CDH23: variants seen among roughly 807,000 people sequenced by gnomAD.
CDH23 encodes the protein cadherin related 23, also known as cadherin-23.
In CDH23, 189 loss-of-function variants were observed where a neutral mutation model predicts 317.1. The ratio of observed to expected loss-of-function variants is 0.60; its 90% CI spans 0.53 to 0.67. The LOEUF is 0.67. CDH23 is among the 30% of genes least tolerant of loss of function. CDH23 has a pLI of 0.00. For synonymous variants in CDH23, 1,839 were observed against 1,876.8 expected, an observed-to-expected ratio of 0.98 and a Z score of 0.52; for missense variants, 4,401 against 4,592.4, an observed-to-expected ratio of 0.96 and a Z score of 1.20.
intron 3 of CDH23, among the ~76,000 whole-genome samples, chr10:71,509,701 C>T (rs1382048956): frequency 6.6e-6 from 1 of 152,210 alleles, no homozygotes; most frequent in Non-Finnish European, 1.5e-5. Context: ...CTAGCGCTGA[C>T]TTATATGCTC....
chr10:71,425,371 A>AGAAGGAAGGAAGGGAGGAAGGAAGGAAG, intron 1 of CDH23, among the ~76,000 whole-genome samples: 1 of 82,496 alleles, frequency 1.2e-5, no homozygotes, highest in South Asian at 4.9e-4. Context: ...AAGAGAGAGG[A>AGAAGGAAGGAAGGGAGGAAGGAAGGAAG]GAAGGAAGGA....
rs578061783 is a variant in CDH23, at chr10:71,438,976, G to A, written c.-5-851G>A. Among the ~76,000 whole-genome samples the A allele has an allele frequency of 1.4e-4, 22 of 152,306 alleles. No homozygotes were observed. The South Asian group carries it at 2.9e-3, about 20-fold the overall frequency. ...CCCTGGTGTCACTGCTGGGCTCTAGGGAGGCCTGCTCCTGAGCCGCTGGAG... is the reference window on the plus strand; with the variant it reads ...CCCTGGTGTCACTGCTGGGCTCTAGAGAGGCCTGCTCCTGAGCCGCTGGAG... On this transcript the variant is annotated intron_variant, in intron 1 of 69. Coordinates refer to ENST00000224721, the MANE Select transcript of CDH23 (RefSeq NM_022124.6).
In CDH23 at chr10:71,799,480, C is replaced by T. The variant is rs1841496800; in HGVS notation, c.7225-12C>T. The T allele has an allele frequency of 6.2e-7, 1 of 1,613,892 alleles. No homozygotes were observed. The highest frequency in any genetic ancestry group is 8.5e-7 in the Non-Finnish European group (1 of 1,179,904). On this transcript the variant is annotated splice_polypyrimidine_tract_variant and intron_variant, in intron 51 of 69. Coordinates refer to ENST00000224721, the MANE Select transcript of CDH23 (RefSeq NM_022124.6). ...CTTGGCCTACTCTCTCTCCCTGCCCCCTGGGCTCCAGGAGGCTGTCTTTGA... is the reference window on the plus strand; with the variant it reads ...CTTGGCCTACTCTCTCTCCCTGCCCTCTGGGCTCCAGGAGGCTGTCTTTGA...
intron 6 of CDH23, among the ~76,000 whole-genome samples, chr10:71,522,438 AGCCAGCTTCCTCTTGGGG>A (rs1328506362): frequency 6.6e-6 from 1 of 152,162 alleles, no homozygotes; most frequent in Non-Finnish European, 1.5e-5. Context: ...GGGAGCAGGC[AGCCAGCTTCCTCTTGGGG>A]GCCACTCCCC....
chr10:71,778,371 A>G, intron 40 of CDH23, 63 bp downstream of exon 40: 1 of 1,601,740 alleles, frequency 6.2e-7, no homozygotes, highest in Non-Finnish European at 8.5e-7. Context: ...GGACCCAGAA[A>G]GCTCCGATGC....
intron 6 of CDH23, among the ~76,000 whole-genome samples, chr10:71,527,774 A>G (rs910150527): frequency 3.3e-5 from 5 of 152,136 alleles, no homozygotes; most frequent in East Asian, 3.9e-4. Flanking sequence ...GACGATCACA[A>G]ACTTTATAAG....
chr10:71,627,074 A>C (rs1038037356), intron 11 of CDH23, among the ~76,000 whole-genome samples: 1 of 152,128 alleles, frequency 6.6e-6, no homozygotes, highest in South Asian at 2.1e-4. Flanking sequence ...CACACAAAAC[A>C]GTGTCCACAC....
intron 19 of CDH23, among the ~76,000 whole-genome samples, 179 bp downstream of exon 19, chr10:71,687,898 A>G (rs1042664839): frequency 6.6e-6 from 1 of 152,216 alleles, no homozygotes; most frequent in African/African-American, 2.4e-5. Flanking sequence ...GTTACCTGCC[A>G]GCTAACAGCT....
intron 3 of CDH23, among the ~76,000 whole-genome samples, chr10:71,507,199 G>A (rs1853690588): frequency 6.6e-6 from 1 of 152,160 alleles, no homozygotes; most frequent in Admixed American, 6.5e-5. Context: ...TGTTGCACCT[G>A]GACAAGCAAG....
chr10:71,515,821 G>A (rs1386414031), intron 6 of CDH23, among the ~76,000 whole-genome samples: 1 of 152,206 alleles, frequency 6.6e-6, no homozygotes, highest in Non-Finnish European at 1.5e-5. Context: ...CAAGGTCTTT[G>A]TCCTTGGTGA....
intron 3 of CDH23, among the ~76,000 whole-genome samples, chr10:71,493,450 G>GTCCA (rs1463659279): frequency 1.3e-5 from 2 of 152,138 alleles, no homozygotes; most frequent in African/African-American, 4.8e-5. Context: ...CTGTCCGTCT[G>GTCCA]TCCATCCATC....
chr10:71,798,221 G>A (rs1426338648), intron 49 of CDH23, 133 bp from the exon 50 acceptor site: 4 of 680,084 alleles, frequency 5.9e-6, no homozygotes, highest in East Asian at 5.4e-5. Flanking sequence ...TGAGGGTCAG[G>A]TCAATCCTCA....
chr10:71,424,077 G>A (rs887995536), intron 1 of CDH23, among the ~76,000 whole-genome samples: 11 of 152,276 alleles, frequency 7.2e-5, no homozygotes, highest in South Asian at 2.1e-4. Flanking sequence ...CACGCATCGC[G>A]TGCCAGGTGC....
chr10:71,430,712 C>A (rs955344272), intron 1 of CDH23, among the ~76,000 whole-genome samples: 1 of 152,128 alleles, frequency 6.6e-6, no homozygotes, highest in Non-Finnish European at 1.5e-5. Flanking sequence ...CCCAGCTACT[C>A]AGGAGGCTGA....
rs548937425 is a variant in CDH23, at chr10:71,785,080, G to A, written c.5692G>A (p.Ala1898Thr). 1.7e-5 allele frequency: 27 copies of A among 1,613,978 alleles called. No homozygotes were observed. The highest frequency in any genetic ancestry group is 1.0e-4 in the Admixed American group (6 of 60,032). Residue 1898 changes from alanine to threonine, a missense_variant, in exon 43 of 70, where the codon GCC becomes ACC. Ala to Thr is a moderately conservative substitution (Grantham distance 58). Around this residue, in one of 3 missense-constraint regions of CDH23, gnomAD observed 3,068 missense variants for 3,203.3 expected, o/e 0.96. Transcript: ENST00000224721. ...CATCACTGCGGGCAACCGCGAGCGG[G>A]CCTTCTTCATCAATGCCACGGTAGG... Reference protein sequence around the residue: ...FNITAGNRERAFFINATTGIV... With the variant: ...FNITAGNRERTFFINATTGIV...
chr10:71,611,183 C>T (rs1427005712), intron 9 of CDH23, among the ~76,000 whole-genome samples: 2 of 152,226 alleles, frequency 1.3e-5, no homozygotes, highest in East Asian at 3.8e-4. Flanking sequence ...GCCAAGCCCA[C>T]AGCGCCTGTG....
chr10:71,518,955 G>A (rs1379630752), intron 6 of CDH23, among the ~76,000 whole-genome samples: 4 of 152,240 alleles, frequency 2.6e-5, no homozygotes, highest in African/African-American at 9.6e-5. Context: ...CCAAGGCTGT[G>A]GGCGTCCTCC....
intron 38 of CDH23, chr10:71,773,533 G>C: frequency 7.9e-7 from 1 of 1,268,746 alleles, no homozygotes; most frequent in South Asian, 1.4e-5. Context: ...GTGCGAGCGA[G>C]TGAGCGCTGC....
At chr10:71,743,345 G>T (rs1324482984) in intron 38 of CDH23, among the ~76,000 whole-genome samples, 1 of 152,212 alleles carries the variant, frequency 6.6e-6, no homozygotes, top group African/African-American at 2.4e-5. Flanking sequence ...CCCTTTGACA[G>T]CAGCACTGTG....
Sources: allele counts gnomAD v4.1 joint callset (sites outside exome capture counted in the v4.1 genomes callset), GRCh38; gene constraint gnomAD v4.1.1; regional missense constraint gnomAD v4.1.1; transcripts MANE v1.5; gene names NCBI Gene and HGNC (gene_info 2026-07-23, HGNC 2026-07-21).